ERC1: variants seen among roughly 807,000 people sequenced by gnomAD.
The protein encoded by ERC1 is ELKS/RAB6-interacting/CAST family member 1, also known as RAB6 interacting protein 2.
ERC1 carries 56 observed loss-of-function variants against 132.0 expected under a neutral mutation model. The ratio of observed to expected loss-of-function variants is 0.42; its 90% confidence interval spans 0.34 to 0.53. The LOEUF (loss-of-function observed/expected upper bound fraction) is 0.53. Among genes scored for constraint, ERC1 ranks in the 20% least tolerant of loss-of-function variants. ERC1 has a pLI of 0.03. For synonymous variants in ERC1, 478 were observed against 476.1 expected, an observed-to-expected ratio of 1.00 and a Z score of -0.05; for missense variants, 1,202 against 1,349.9, an observed-to-expected ratio of 0.89 and a Z score of 1.72.
intron 15 of ERC1, among the ~76,000 whole-genome samples, chr12:1,316,507 T>C (rs1566570771): frequency 6.6e-6 from 1 of 152,194 alleles, no homozygotes; most frequent in Non-Finnish European, 1.5e-5. Context: ...CATACTCATA[T>C]GAAAAAATAT....
At chr12:1,035,838 C>T (rs1250206405) in intron 2 of ERC1, among the ~76,000 whole-genome samples, 5 of 151,806 alleles carry the variant, frequency 3.3e-5, no homozygotes, top group African/African-American at 1.2e-4. Context: ...AGGAGAATGG[C>T]GTGAACCCGA....
intron 16 of ERC1, among the ~76,000 whole-genome samples, chr12:1,387,660 T>C (rs1485562621): frequency 3.9e-5 from 6 of 152,038 alleles, no homozygotes; most frequent in African/African-American, 1.5e-4. Flanking sequence ...AACCAAGAAA[T>C]GTCCACAGTC....
In ERC1 at chr12:1,485,197, A is replaced by AT. The variant is rs1228695719; in HGVS notation, c.3214-4893dup. On this transcript the variant is annotated intron_variant, in intron 18 of 18. Transcript: ENST00000360905. ...AGTCCCCAAACCTGGTCAAGTTTATATTTCTTTTTTTTTTTTTTTTTTTTT... is the reference window on the plus strand; with the variant it reads ...AGTCCCCAAACCTGGTCAAGTTTATATTTTCTTTTTTTTTTTTTTTTTTTTT... 2.6e-3 allele frequency among the ~76,000 whole-genome samples: 251 copies of AT among 97,568 alleles called. 4 individuals carry two copies. The highest frequency in any genetic ancestry group is 8.9e-3 in the African/African-American group (232 of 26,068). 64.0% of individuals were successfully genotyped at this position (97,568 alleles called of 152,430 possible).
chr12:1,247,473 G>C (rs2076224594), intron 13 of ERC1, among the ~76,000 whole-genome samples: 1 of 152,128 alleles, frequency 6.6e-6, no homozygotes, highest in Middle Eastern at 3.2e-3. Context: ...AATTAATTCA[G>C]AATAAAAGTT....
At chr12:1,366,092 A>G (rs2086637145) in intron 15 of ERC1, among the ~76,000 whole-genome samples, 1 of 152,198 alleles carries the variant, frequency 6.6e-6, no homozygotes, top group Admixed American at 6.5e-5. Context: ...TGTTATTGGT[A>G]TAGTTTCACC....
intron 6 of ERC1, among the ~76,000 whole-genome samples, chr12:1,114,594 G>A (rs938923406): frequency 9.2e-5 from 14 of 152,184 alleles, no homozygotes; most frequent in Non-Finnish European, 1.9e-4. Flanking sequence ...GAATGGAATA[G>A]TGTTAATGGG....
chr12:1,039,292 G>T (rs139230346), intron 2 of ERC1, among the ~76,000 whole-genome samples: 1 of 149,180 alleles, frequency 6.7e-6, no homozygotes, highest in Non-Finnish European at 1.5e-5. Flanking sequence ...AGCCGAAATC[G>T]CACCACTGCA....
intron 15 of ERC1, among the ~76,000 whole-genome samples, chr12:1,294,085 A>G (rs557392189): frequency 9.2e-5 from 14 of 152,306 alleles, no homozygotes; most frequent in East Asian, 1.9e-4. Flanking sequence ...TCTACAATCA[A>G]CTATCCCTTG....
intron 2 of ERC1, among the ~76,000 whole-genome samples, chr12:1,031,116 A>G (rs924538824): frequency 2.6e-5 from 4 of 152,194 alleles, no homozygotes; most frequent in Admixed American, 2.0e-4. Flanking sequence ...CTCTAGTTAC[A>G]TTACATTTTG....
chr12:1,298,234 CA>C (rs1228852436), intron 15 of ERC1, among the ~76,000 whole-genome samples: 4 of 152,042 alleles, frequency 2.6e-5, no homozygotes, highest in Non-Finnish European at 5.9e-5. Flanking sequence ...ATAATAACAA[CA>C]AAAATTTTAA....
At chr12:1,381,462 G>A (rs1385641319) in intron 16 of ERC1, among the ~76,000 whole-genome samples, 2 of 152,028 alleles carry the variant, frequency 1.3e-5, no homozygotes, top group Non-Finnish European at 2.9e-5. Flanking sequence ...ACCTCCCAAA[G>A]TGCTGAGATT....
At chr12:1,117,682 G>A (rs187640740) in intron 7 of ERC1, among the ~76,000 whole-genome samples, 141 of 152,240 alleles carry the variant, frequency 9.3e-4, no homozygotes, top group Non-Finnish European at 1.3e-3. Flanking sequence ...AATTAAACTC[G>A]TTTATTTACT....
At chr12:1,210,663 G>A (rs1957777552) in intron 12 of ERC1, among the ~76,000 whole-genome samples, 1 of 152,108 alleles carries the variant, frequency 6.6e-6, no homozygotes, top group Admixed American at 6.5e-5. Context: ...GTGTGTTTGG[G>A]ATAGTTGCTG....
chr12:1,484,290 C>A (rs765230107), intron 18 of ERC1, among the ~76,000 whole-genome samples: 35 of 150,618 alleles, frequency 2.3e-4, no homozygotes, highest in Admixed American at 6.6e-4. Flanking sequence ...GGTGACAGAG[C>A]GAGACTCCGT....
chr12:1,014,269 G>T (rs1043071515), intron 1 of ERC1, among the ~76,000 whole-genome samples: 5 of 152,088 alleles, frequency 3.3e-5, no homozygotes, highest in Non-Finnish European at 5.9e-5. Context: ...TCTGCCTCTG[G>T]AGTTCAAGCA....
At chr12:1,113,364 T>C (rs1232450674) in intron 6 of ERC1, among the ~76,000 whole-genome samples, 2 of 152,204 alleles carry the variant, frequency 1.3e-5, no homozygotes, top group African/African-American at 4.8e-5. Context: ...GAAACTGAGG[T>C]AACAGAATGG....
intron 15 of ERC1, among the ~76,000 whole-genome samples, chr12:1,309,798 C>T (rs779153140): frequency 2.0e-5 from 3 of 150,956 alleles, no homozygotes; most frequent in South Asian, 2.1e-4. Flanking sequence ...GAGAGACTGA[C>T]GACTTTAAAA....
chr12:1,341,080 T>C (rs1442717358), intron 15 of ERC1, among the ~76,000 whole-genome samples: 4 of 15,270 alleles, frequency 2.6e-4, no homozygotes, highest in South Asian at 5.2e-3. Context: ...TTTTTTTTTT[T>C]TTTTTTTTTT....
intron 15 of ERC1, among the ~76,000 whole-genome samples, chr12:1,312,744 A>G (rs1006819723): frequency 2.0e-5 from 3 of 152,110 alleles, no homozygotes; most frequent in Middle Eastern, 3.2e-3. Context: ...TTTCTGTTAA[A>G]TTACATGTAT....
Sources: allele counts gnomAD v4.1 joint callset (sites outside exome capture counted in the v4.1 genomes callset), GRCh38; gene constraint gnomAD v4.1.1; transcripts MANE v1.5; gene names NCBI Gene and HGNC (gene_info 2026-07-23, HGNC 2026-07-21).